KCTD8: variants seen among roughly 807,000 people sequenced by gnomAD.
KCTD8 encodes potassium channel tetramerization domain containing 8.
In KCTD8, 27 loss-of-function variants were observed where a neutral mutation model predicts 31.5. That is an observed-to-expected ratio of 0.86 (90% CI 0.63 to 1.18). The LOEUF (loss-of-function observed/expected upper bound fraction) is 1.18, where lower values mean the gene tolerates loss of function less well. KCTD8 is among the 50% of genes most tolerant of loss of function. KCTD8 has a pLI of 0.00. For missense variants in KCTD8, 658 were observed against 647.7 expected (o/e 1.02, Z -0.17); for synonymous variants, 290 against 280.0 (o/e 1.04, Z -0.36).
At chr4:44,181,085 T>C (rs926673692) in intron 1 of KCTD8, among the ~76,000 whole-genome samples, 2 of 152,000 alleles carry the variant, frequency 1.3e-5, no homozygotes, top group Non-Finnish European at 2.9e-5. Context: ...AAAAGAATGA[T>C]ACTTAAGGCC....
chr4:44,198,990 G>A (rs1714035052), intron 1 of KCTD8, among the ~76,000 whole-genome samples: 1 of 152,088 alleles, frequency 6.6e-6, no homozygotes. Context: ...AAAAGAGCAG[G>A]AGTTGCTCAT....
At chr4:44,431,226 A>G (rs770399897) in intron 1 of KCTD8, among the ~76,000 whole-genome samples, 23 of 151,598 alleles carry the variant, frequency 1.5e-4, no homozygotes, top group Non-Finnish European at 3.3e-4. Context: ...AAAGTAGAGA[A>G]AGTTCTGATA....
chr4:44,252,554 G>A (rs992647443), intron 1 of KCTD8, among the ~76,000 whole-genome samples: 69 of 151,708 alleles, frequency 4.5e-4, no homozygotes, highest in African/African-American at 1.2e-3. Context: ...TATGGGCATT[G>A]TTGCAGTAGT....
At chr4:44,215,810 G>C (rs1714630514) in intron 1 of KCTD8, among the ~76,000 whole-genome samples, 1 of 152,170 alleles carries the variant, frequency 6.6e-6, no homozygotes, top group Non-Finnish European at 1.5e-5. Context: ...GAAAGAAAGA[G>C]CTCAAACATG....
At position 44,270,767 on chromosome 4, in the gene KCTD8, G is replaced by A. The variant is rs558748172; in HGVS notation, c.962-95517C>T. Among the ~76,000 whole-genome samples, 7 of 152,178 alleles carry A rather than the reference G, an allele frequency of 4.6e-5. No individual in the cohort carries two copies. In the South Asian group the frequency reaches 6.2e-4, roughly 14 times the overall value. On this transcript the variant is annotated intron_variant, in intron 1 of 1. Transcript: ENST00000360029. ...CTTTACGAAATGTATTTAGATATAC[G>A]TTATTGATGCTTATTTGTTCATTTG... is the stretch of plus-strand genomic sequence containing the variant.
At chr4:44,371,171 T>C (rs181932827) in intron 1 of KCTD8, among the ~76,000 whole-genome samples, 208 of 152,256 alleles carry the variant, frequency 1.4e-3, no homozygotes, top group Admixed American at 2.2e-3. Flanking sequence ...ATTTTGCCCT[T>C]TCTCTTCCCC....
rs528667253 is a variant in KCTD8, at chr4:44,344,226, C to A, written c.961+103337G>T. Among the ~76,000 whole-genome samples the A allele has an allele frequency of 2.0e-5, 3 of 151,966 alleles. No homozygotes were observed. The South Asian group carries it at 6.2e-4, about 32-fold the overall frequency. On this transcript the variant is annotated intron_variant, in intron 1 of 1. Coordinates refer to ENST00000360029, the MANE Select transcript of KCTD8 (RefSeq NM_198353.3). Reference sequence around the variant, plus strand: ...TAGAGACAAGGTCTCACTCTGTCGCCCAGGCTGCAGTGCAGTGTTAAAATC... The same window carrying A: ...TAGAGACAAGGTCTCACTCTGTCGCACAGGCTGCAGTGCAGTGTTAAAATC...
At chr4:44,262,079 G>T (rs1716198150) in intron 1 of KCTD8, among the ~76,000 whole-genome samples, 1 of 151,984 alleles carries the variant, frequency 6.6e-6, no homozygotes, top group Non-Finnish European at 1.5e-5. Context: ...TAGAGACCAA[G>T]GGAAGAAAGT....
At chr4:44,415,948 G>A (rs1721070616) in intron 1 of KCTD8, among the ~76,000 whole-genome samples, 1 of 152,170 alleles carries the variant, frequency 6.6e-6, no homozygotes, top group Non-Finnish European at 1.5e-5. Context: ...CCAGACCTCA[G>A]AATAGTAGCC....
intron 1 of KCTD8, among the ~76,000 whole-genome samples, chr4:44,400,149 A>C (rs1016468036): frequency 5.9e-5 from 9 of 152,196 alleles, no homozygotes; most frequent in Admixed American, 3.9e-4. Flanking sequence ...AACAGGCTAA[A>C]ATTTTCTCAG....
intron 1 of KCTD8, among the ~76,000 whole-genome samples, chr4:44,246,613 T>G (rs1323037908): frequency 1.3e-5 from 2 of 152,020 alleles, no homozygotes; most frequent in Admixed American, 1.3e-4. Flanking sequence ...TTTTTCTCTT[T>G]CTCAATTTTC....
intron 1 of KCTD8, among the ~76,000 whole-genome samples, chr4:44,208,242 C>A (rs988521248): frequency 2.6e-5 from 4 of 152,158 alleles, no homozygotes; most frequent in African/African-American, 9.7e-5. Flanking sequence ...ACGAAAGGCA[C>A]CATTAGTAAT....
chr4:44,341,789 G>T (rs796263570), intron 1 of KCTD8, among the ~76,000 whole-genome samples: 6 of 152,226 alleles, frequency 3.9e-5, no homozygotes, highest in African/African-American at 1.4e-4. Context: ...CCAAACTCCT[G>T]TTAATGTTGA....
intron 1 of KCTD8, among the ~76,000 whole-genome samples, chr4:44,341,909 A>G (rs1177980493): frequency 6.6e-6 from 1 of 152,218 alleles, no homozygotes; most frequent in Non-Finnish European, 1.5e-5. Flanking sequence ...AGGAGTCACT[A>G]TAGATAGCAG....
chr4:44,358,688 C>G (rs1184053486), intron 1 of KCTD8, among the ~76,000 whole-genome samples: 1 of 152,168 alleles, frequency 6.6e-6, no homozygotes, highest in Non-Finnish European at 1.5e-5. Flanking sequence ...CCTGCCTCAG[C>G]CTCCCGAGTA....
At chr4:44,419,707 G>C (rs1159195496) in intron 1 of KCTD8, among the ~76,000 whole-genome samples, 2 of 151,796 alleles carry the variant, frequency 1.3e-5, no homozygotes, top group African/African-American at 4.9e-5. Context: ...GTCGGGGGAT[G>C]GGGGGCTGGG....
At chr4:44,338,376 G>GT (rs1365213699) in intron 1 of KCTD8, among the ~76,000 whole-genome samples, 3 of 152,066 alleles carry the variant, frequency 2.0e-5, no homozygotes, top group Non-Finnish European at 4.4e-5. Flanking sequence ...TAAGAGAAAG[G>GT]TAAGTGAAGG....
intron 1 of KCTD8, among the ~76,000 whole-genome samples, chr4:44,228,292 A>G (rs975617344): frequency 1.3e-5 from 2 of 152,054 alleles, no homozygotes; most frequent in African/African-American, 4.8e-5. Context: ...CTGTCTTCTC[A>G]TGGTCTTCTC....
At position 44,333,749 on chromosome 4, in the gene KCTD8, A is replaced by T. The variant is rs941225151; in HGVS notation, c.961+113814T>A. ...AGGTGAATGAGAGGCATGATACAAG[A>T]GTAATATATGAAGATGGACACTCCT... is the stretch of plus-strand genomic sequence containing the variant. On this transcript the variant is annotated intron_variant, in intron 1 of 1. Transcript: ENST00000360029. 3.9e-5 allele frequency among the ~76,000 whole-genome samples: 6 copies of T among 152,266 alleles called. No homozygotes were observed. The South Asian group carries it at 1.2e-3, about 32-fold the overall frequency.
Sources: allele counts gnomAD v4.1 joint callset (sites outside exome capture counted in the v4.1 genomes callset), GRCh38; gene constraint gnomAD v4.1.1; transcripts MANE v1.5; gene names NCBI Gene and HGNC (gene_info 2026-07-23, HGNC 2026-07-21).